HSD17B2: variants seen among roughly 807,000 people sequenced by gnomAD.
HSD17B2 encodes hydroxysteroid 17-beta dehydrogenase 2.
In HSD17B2, 32 loss-of-function variants were observed where a neutral mutation model predicts 26.9. That is an observed-to-expected ratio of 1.19 (90% CI 0.90 to 1.60). HSD17B2 has a LOEUF of 1.60. Among genes scored for constraint, HSD17B2 ranks in the 40% most tolerant of loss-of-function variants. HSD17B2 has a pLI of 0.00. For synonymous variants in HSD17B2, 246 were observed against 186.7 expected (o/e 1.32, Z -2.59); for missense variants, 613 against 468.6 (o/e 1.31, Z -2.85).
chr16:82,048,468 T>C (rs1011122084), intron 1 of HSD17B2, among the ~76,000 whole-genome samples: 4 of 151,888 alleles, frequency 2.6e-5, no homozygotes, highest in Non-Finnish European at 4.4e-5. Flanking sequence ...CTCTGAAAAT[T>C]TGAGAATTTT....
intron 4 of HSD17B2, chr16:82,093,213 A>C (rs1904743103): frequency 6.6e-6 from 1 of 152,226 alleles, no homozygotes; most frequent in African/African-American, 2.4e-5. Flanking sequence ...ATGATCCTCT[A>C]CCATCACAGC....
In HSD17B2 at chr16:82,098,367, A is replaced by G. The variant is rs941991370; in HGVS notation, c.1095A>G (p.Arg365=). Residue 365 remains arginine (R), a synonymous_variant, in exon 5 of 5, where the codon AGA becomes AGG. Transcript: ENST00000199936. ...PIGIYDYFAK[R]HFGQDKPMPR... ...GCATATATGATTACTTTGCTAAAAG[A>G]CATTTTGGCCAAGACAAGCCCATGC... 6.2e-7 allele frequency: 1 copy of G among 1,614,120 alleles called. No homozygotes were observed. Among genetic ancestry groups the G allele is most frequent in the Admixed American group, 1.7e-5 (1 of 60,034 alleles).
At chr16:82,071,176 T>C in intron 3 of HSD17B2, 49 bp downstream of exon 3, 1 of 1,558,834 alleles carries the variant, frequency 6.4e-7, no homozygotes, top group Non-Finnish European at 8.8e-7. Context: ...TCACAAGACA[T>C]GGCTCATGGC....
At chr16:82,085,765 T>A (rs917452355) in intron 3 of HSD17B2, among the ~76,000 whole-genome samples, 1 of 152,106 alleles carries the variant, frequency 6.6e-6, no homozygotes, top group African/African-American at 2.4e-5. Context: ...CTATAACTAG[T>A]TCCTGAGTGA....
chr16:82,067,295 C>T (rs1391615551), intron 1 of HSD17B2, among the ~76,000 whole-genome samples: 2 of 152,198 alleles, frequency 1.3e-5, no homozygotes, highest in Non-Finnish European at 2.9e-5. Context: ...CTTATTAAAA[C>T]AAGAGAGACG....
At chr16:82,068,491 C>A in intron 2 of HSD17B2, 109 bp downstream of exon 2, 1 of 876,384 alleles carries the variant, frequency 1.1e-6, no homozygotes, top group South Asian at 1.6e-5. Flanking sequence ...ACTGTTTGCC[C>A]TGAAGCACAC....
At chr16:82,080,600 T>G (rs1438332207) in intron 3 of HSD17B2, among the ~76,000 whole-genome samples, 1 of 152,210 alleles carries the variant, frequency 6.6e-6, no homozygotes, top group Non-Finnish European at 1.5e-5. Context: ...TTTAAGCCAC[T>G]AGGTTTGTAG....
In HSD17B2 at chr16:82,035,834, T is replaced by A. The variant is rs995875566; in HGVS notation, c.265+145T>A. ...CTCACCCAAGTATTTTTCATGACAC[T>A]GTTTTCGTTCCGTTTTTTCCAGGAG... On this transcript the variant is annotated intron_variant, in intron 1 of 4. Coordinates refer to ENST00000199936, the MANE Select transcript of HSD17B2 (RefSeq NM_002153.3). 1.5e-5 allele frequency: 13 copies of A among 883,584 alleles called. No homozygotes were observed. The African/African-American group carries it at 2.4e-4, about 16-fold the overall frequency. 54.7% of individuals were successfully genotyped at this position (883,584 alleles called of 1,614,324 possible). A position where few individuals can be genotyped will look rare whatever the true frequency, so the allele number is the denominator to read the frequency against.
chr16:82,081,932 C>G (rs1014618383), intron 3 of HSD17B2, among the ~76,000 whole-genome samples: 1 of 152,128 alleles, frequency 6.6e-6, no homozygotes, highest in African/African-American at 2.4e-5. Context: ...GGAATGAGAT[C>G]ATATCCTTTG....
chr16:82,096,284 C>G (rs906173161), intron 4 of HSD17B2: 1 of 152,106 alleles, frequency 6.6e-6, no homozygotes, highest in Non-Finnish European at 1.5e-5. Flanking sequence ...CGCAGTGGTG[C>G]GATCTCAGCT....
intron 1 of HSD17B2, among the ~76,000 whole-genome samples, chr16:82,051,957 T>C (rs958140827): frequency 1.3e-5 from 2 of 152,234 alleles, no homozygotes; most frequent in Non-Finnish European, 2.9e-5. Context: ...TCATGTGCCC[T>C]TGGCACCTGG....
At chr16:82,068,829 A>G (rs954723175) in intron 2 of HSD17B2, among the ~76,000 whole-genome samples, 3 of 151,954 alleles carry the variant, frequency 2.0e-5, no homozygotes, top group Non-Finnish European at 4.4e-5. Flanking sequence ...CTCACCTTCA[A>G]TTTGCCGTTG....
At chr16:82,061,255 CAA>C (rs111243931) in intron 1 of HSD17B2, among the ~76,000 whole-genome samples, 60 of 118,214 alleles carry the variant, frequency 5.1e-4, no homozygotes, top group African/African-American at 1.3e-3. Flanking sequence ...GAGACTCTGT[CAA>C]AAAAAAAAAA....
intron 3 of HSD17B2, among the ~76,000 whole-genome samples, chr16:82,075,226 A>C (rs1256135253): frequency 6.6e-6 from 1 of 152,196 alleles, no homozygotes; most frequent in African/African-American, 2.4e-5. Flanking sequence ...GCTACCGGCT[A>C]TAAGTGCCTA....
At chr16:82,052,084 A>G (rs1914125533) in intron 1 of HSD17B2, among the ~76,000 whole-genome samples, 1 of 152,226 alleles carries the variant, frequency 6.6e-6, no homozygotes, top group South Asian at 2.1e-4. Flanking sequence ...TGTGCGGTGT[A>G]TGACCAGGAA....
At chr16:82,092,476 C>T (rs918896031) in intron 4 of HSD17B2, 1 of 152,034 alleles carries the variant, frequency 6.6e-6, no homozygotes, top group East Asian at 1.9e-4. Flanking sequence ...AAGAACAAAC[C>T]CTAAAGGTTT....
At chr16:82,065,178 T>G (rs977255289) in intron 1 of HSD17B2, among the ~76,000 whole-genome samples, 1 of 152,156 alleles carries the variant, frequency 6.6e-6, no homozygotes, top group African/African-American at 2.4e-5. Context: ...GATTGGAAAG[T>G]GCAAAGTTCA....
At chr16:82,080,679 C>G (rs1904354739) in intron 3 of HSD17B2, among the ~76,000 whole-genome samples, 1 of 152,188 alleles carries the variant, frequency 6.6e-6, no homozygotes, top group Non-Finnish European at 1.5e-5. Context: ...CAATTTATAA[C>G]AAATCACATG....
chr16:82,085,654 A>G (rs1363894715), intron 3 of HSD17B2, among the ~76,000 whole-genome samples: 2 of 151,966 alleles, frequency 1.3e-5, no homozygotes, highest in Non-Finnish European at 2.9e-5. Flanking sequence ...CTCTTACTCC[A>G]TTGCTTCTCA....
Sources: gnomAD v4.1 joint callset for allele counts (sites outside exome capture counted in the v4.1 genomes callset) on GRCh38, gnomAD v4.1.1 for gene constraint, MANE v1.5 for transcripts, NCBI Gene and HGNC (gene_info 2026-07-23, HGNC 2026-07-21) for gene names.